Variants in TBC1D23 observed in about 807,000 individuals in gnomAD.
TBC1D23 encodes HCV non-structural protein 4A-transactivated protein 1.
A neutral mutation model predicts 91.4 loss-of-function variants in TBC1D23; 55 were observed. That is an observed-to-expected ratio of 0.60 (90% CI 0.48 to 0.75). The LOEUF (loss-of-function observed/expected upper bound fraction) is 0.75, where lower values mean the gene tolerates loss of function less well. Among genes scored for constraint, TBC1D23 ranks in the 30% least tolerant of loss-of-function variants. The pLI, the probability that TBC1D23 is intolerant of heterozygous loss-of-function variation, is 0.00. For missense variants in TBC1D23, 725 were observed against 836.1 expected (o/e 0.87, Z 1.64); for synonymous variants, 289 against 281.0 (o/e 1.03, Z -0.28).
In TBC1D23 at chr3:100,279,734, G is replaced by T; in HGVS notation, c.139G>T (p.Ala47Ser). The change falls in exon 2 of 19, where the codon GCT becomes TCT. Residue 47 changes from alanine to serine, a missense_variant. Transcript: ENST00000394144. ...RNIIQGRPLP[A>S]DLRAKVWKIA... ...TATAATTCAAGGAAGACCGCTGCCTGCTGATCTGAGGGCCAAAGTTTGGAA... is the reference window on the plus strand; with the variant it reads ...TATAATTCAAGGAAGACCGCTGCCTTCTGATCTGAGGGCCAAAGTTTGGAA... The T allele has an allele frequency of 6.2e-7, 1 of 1,602,734 alleles. No homozygotes were observed.
rs369100984 is a variant in TBC1D23, at chr3:100,274,873, A to G, written c.54-4776A>G. On this transcript the variant is annotated intron_variant, in intron 1 of 18. Transcript: ENST00000394144. ...TATAATATTTGTTTATTAATTACATATATCTATGCATACAGTACACACCCC... is the reference window on the plus strand; with the variant it reads ...TATAATATTTGTTTATTAATTACATGTATCTATGCATACAGTACACACCCC... Among the ~76,000 whole-genome samples, 8 of 147,488 alleles carry G rather than the reference A, an allele frequency of 5.4e-5. No homozygotes were observed. The East Asian group carries it at 5.9e-4, about 11-fold the overall frequency.
intron 15 of TBC1D23, among the ~76,000 whole-genome samples, chr3:100,314,091 A>ATTTTTTTTTTTTTTTTTTTTTTTTTTT (rs71299383): frequency 3.2e-5 from 3 of 94,576 alleles, no homozygotes; most frequent in Non-Finnish European, 2.0e-5. Flanking sequence ...AGGCTACAAA[A>ATTTTTTTTTTTTTTTTTTTTTTTTTTT]TTTTTTTTTT....
chr3:100,298,120 T>A, intron 9 of TBC1D23, 75 bp downstream of exon 9: 1 of 1,314,616 alleles, frequency 7.6e-7, no homozygotes, highest in Non-Finnish European at 1.1e-6. Context: ...CCCTGTTCAT[T>A]GATTCCCACA....
At chr3:100,300,071 G>C (rs1257510586) in intron 10 of TBC1D23, among the ~76,000 whole-genome samples, 1 of 152,044 alleles carries the variant, frequency 6.6e-6, no homozygotes, top group African/African-American at 2.4e-5. Flanking sequence ...ATTTAATAAG[G>C]GTAGTATCTG....
intron 5 of TBC1D23, among the ~76,000 whole-genome samples, chr3:100,291,796 CTTT>C (rs576623040): frequency 7.6e-6 from 1 of 131,656 alleles, no homozygotes; most frequent in Admixed American, 7.6e-5. Context: ...TTTTTTTTTT[CTTT>C]TTTTTTTTTT....
chr3:100,306,615 C>A, intron 13 of TBC1D23, 72 bp downstream of exon 13: 1 of 819,344 alleles, frequency 1.2e-6, no homozygotes, highest in Non-Finnish European at 2.1e-6. Flanking sequence ...TACTAAACCC[C>A]CACCATAACA....
intron 5 of TBC1D23, among the ~76,000 whole-genome samples, chr3:100,292,601 T>C (rs1334490538): frequency 1.3e-5 from 2 of 152,080 alleles, no homozygotes; most frequent in East Asian, 1.9e-4. Context: ...CTTGTCAGTT[T>C]TTTGTTTTTG....
chr3:100,297,913 C>A lies in TBC1D23; in HGVS notation c.877-10C>A, dbSNP rs1353668635. ...TTTTTCATAATGTTTAAAAATTTCC[C>A]TTCAAACAGGATAATCACCATCTCT... On this transcript the variant is annotated splice_polypyrimidine_tract_variant and intron_variant, in intron 8 of 18. Coordinates refer to ENST00000394144, the MANE Select transcript of TBC1D23 (RefSeq NM_001199198.3). 1.3e-6 allele frequency: 2 copies of A among 1,578,106 alleles called. No homozygotes were observed. The highest frequency in any genetic ancestry group is 1.4e-5 in the African/African-American group (1 of 73,530).
intron 12 of TBC1D23, 146 bp from the exon 13 acceptor site, chr3:100,306,291 C>G (rs1373312371): frequency 7.0e-6 from 4 of 571,352 alleles, no homozygotes; most frequent in Non-Finnish European, 1.2e-5. Context: ...TACTCCTTTA[C>G]AGACGTGCAG....
chr3:100,281,993 G>T, intron 3 of TBC1D23, 146 bp downstream of exon 3: 1 of 522,388 alleles, frequency 1.9e-6, no homozygotes, highest in Non-Finnish European at 3.4e-6. Context: ...AAATTCTTAT[G>T]AAATATTGTC....
intron 11 of TBC1D23, 27 bp from the exon 12 acceptor site, chr3:100,304,819 G>A: frequency 1.6e-6 from 2 of 1,221,070 alleles, no homozygotes; most frequent in Non-Finnish European, 1.2e-6. Flanking sequence ...AGTTTTGGAA[G>A]AATTTAAATT....
intron 15 of TBC1D23, among the ~76,000 whole-genome samples, chr3:100,312,316 A>T (rs1206828484): frequency 5.9e-5 from 9 of 152,180 alleles, no homozygotes; most frequent in Non-Finnish European, 1.0e-4. Flanking sequence ...TAATTTGTGT[A>T]CATTATGTAA....
chr3:100,284,081 T>C (rs1416106807), intron 4 of TBC1D23: 1 of 353,104 alleles, frequency 2.8e-6, no homozygotes. Context: ...GGATACAAAA[T>C]AGCAAATAGG....
intron 1 of TBC1D23, among the ~76,000 whole-genome samples, chr3:100,276,644 G>T (rs989848397): frequency 2.0e-5 from 3 of 152,080 alleles, no homozygotes; most frequent in Non-Finnish European, 4.4e-5. Flanking sequence ...TGTTTGCCTC[G>T]CTGTAATTCT....
chr3:100,261,576 C>T (rs1454829101), intron 1 of TBC1D23: 1 of 153,174 alleles, frequency 6.5e-6, no homozygotes, highest in Non-Finnish European at 1.5e-5. Flanking sequence ...GCTGTTATCT[C>T]GTTTTGCATT....
At chr3:100,317,014 C>T (rs903069245) in intron 16 of TBC1D23, among the ~76,000 whole-genome samples, 2 of 149,990 alleles carry the variant, frequency 1.3e-5, no homozygotes, top group Non-Finnish European at 3.0e-5. Context: ...ACCCAGGAGG[C>T]GGAGGTGCAG....
At chr3:100,292,091 A>G (rs925205192) in intron 5 of TBC1D23, among the ~76,000 whole-genome samples, 3 of 152,222 alleles carry the variant, frequency 2.0e-5, no homozygotes, top group Non-Finnish European at 4.4e-5. Context: ...ATAATATCAC[A>G]TATCATGTAG....
chr3:100,310,490 G>T lies in TBC1D23; in HGVS notation c.1501G>T (p.Val501Phe). 6.2e-7 allele frequency: 1 copy of T among 1,613,684 alleles called. No homozygotes were observed. The highest frequency in any genetic ancestry group is 8.5e-7 in the Non-Finnish European group (1 of 1,179,774). ...TVALKTKSVN[V>F]REKVISFIEN... ...GGCTTTGAAGACAAAATCCGTTAAT[G>T]TCAGGGAAAAAGTTATCAGTTTTAT... The change falls in exon 14 of 19, where the codon GTC becomes TTC. Residue 501 changes from valine (V) to phenylalanine (F), a missense_variant. Coordinates refer to ENST00000394144, the MANE Select transcript of TBC1D23 (RefSeq NM_001199198.3).
At chr3:100,310,594 AC>A in intron 14 of TBC1D23, 52 bp downstream of exon 14, 1 of 1,418,658 alleles carries the variant, frequency 7.0e-7, no homozygotes, top group Non-Finnish European at 9.6e-7. Context: ...AACTAAAGAA[AC>A]AATGTCTTAG....
Sources: gnomAD v4.1 joint callset for allele counts (sites outside exome capture counted in the v4.1 genomes callset) on GRCh38, gnomAD v4.1.1 for gene constraint, MANE v1.5 for transcripts, NCBI Gene and HGNC (gene_info 2026-07-23, HGNC 2026-07-21) for gene names.